The following RBM19 variants were observed in gnomAD, a reference collection of about 807,000 sequenced individuals.
RBM19 encodes the protein probable RNA-binding protein 19.
A neutral mutation model predicts 116.8 loss-of-function variants in RBM19; 94 were observed. That is an observed-to-expected ratio of 0.80 (90% CI 0.68 to 0.95). RBM19 has a LOEUF of 0.95. Among genes scored for constraint, RBM19 ranks in the 40% least tolerant of loss-of-function variants. RBM19 has a pLI of 0.00. For synonymous variants in RBM19, 475 were observed against 494.1 expected, an observed-to-expected ratio of 0.96 and a Z score of 0.51; for missense variants, 1,161 against 1,220.7, an observed-to-expected ratio of 0.95 and a Z score of 0.73.
At chr12:113,958,079 G>T (rs761140105) in intron 5 of RBM19, 29 bp from the exon 6 acceptor site, 1 of 1,588,914 alleles carries the variant, frequency 6.3e-7, no homozygotes, top group South Asian at 1.2e-5. Flanking sequence ...TGGGATCAGC[G>T]ACAGCTATGA....
Position 113,825,734 on chromosome 12 carries a change from G to A in RBM19, c.2786-2413C>T, listed in dbSNP as rs1593447989. ...GAGTTCTAGCCCCATCCATTGTGTC[G>A]GCTCAACCTGTAAGATAGAGCTGGA... On this transcript the variant is annotated intron_variant, in intron 23 of 23. Transcript: ENST00000261741. This position sits in a 1 kb window ranked among gnomAD's most constrained non-coding sequence, Gnocchi z 5.7. 1.3e-5 allele frequency among the ~76,000 whole-genome samples: 2 copies of A among 152,052 alleles called. No individual in the cohort carries two copies. Among genetic ancestry groups the A allele is most frequent in the East Asian group, 1.9e-4 (1 of 5,168 alleles).
At chr12:113,855,957 T>C (rs1877865773) in intron 22 of RBM19, among the ~76,000 whole-genome samples, 1 of 152,120 alleles carries the variant, frequency 6.6e-6, no homozygotes, top group African/African-American at 2.4e-5. Flanking sequence ...GCAGCTTCCC[T>C]AGGAAACAAA....
At chr12:113,945,997 C>A in intron 12 of RBM19, 73 bp from the exon 13 acceptor site, 1 of 1,380,274 alleles carries the variant, frequency 7.2e-7, no homozygotes. Context: ...GACACGAATC[C>A]TGTAAGAAAT....
intron 19 of RBM19, among the ~76,000 whole-genome samples, chr12:113,919,528 G>A (rs1393201225): frequency 6.6e-6 from 1 of 152,172 alleles, no homozygotes; most frequent in Non-Finnish European, 1.5e-5. Flanking sequence ...CCGAGATCGC[G>A]CCACTGCACT....
Position 113,962,509 on chromosome 12 carries a change from A to G in RBM19, c.37-95T>C, listed in dbSNP as rs1247453130. Reference sequence around the variant, plus strand: ...AAACCTGAGGCCACGAGATTCTCCAAGGGTGGCCTTAGATGAAGAGGGGCA... The same window carrying G: ...AAACCTGAGGCCACGAGATTCTCCAGGGGTGGCCTTAGATGAAGAGGGGCA... On this transcript the variant is annotated intron_variant, in intron 1 of 23. Transcript: ENST00000261741. 2.3e-6 allele frequency: 3 copies of G among 1,293,100 alleles called. No homozygotes were observed. In the African/African-American group the frequency reaches 4.4e-5, roughly 19 times the overall value. The allele number at this position is 1,293,100 out of a possible 1,614,324, so 80.1% of individuals were successfully genotyped here.
In RBM19 at chr12:113,873,689, TAAAAAAA is replaced by T. The variant is rs146761765; in HGVS notation, c.2559-14800_2559-14794del. 9.6e-3 allele frequency among the ~76,000 whole-genome samples: 1,227 copies of T among 127,684 alleles called. 25 individuals carry two copies. The highest frequency in any genetic ancestry group is 0.033 in the African/African-American group (1,110 of 33,670). The allele number at this position is 127,684 out of a possible 152,430, so 83.8% of individuals were successfully genotyped here. ...AAGAATTATCAATAAAAAAATAAAT[TAAAAAAA>T]AAAAAAAAAAAGAAAAGGCACTGTG... On this transcript the variant is annotated intron_variant, in intron 21 of 23. Coordinates refer to ENST00000261741, the MANE Select transcript of RBM19 (RefSeq NM_016196.4).
intron 14 of RBM19, among the ~76,000 whole-genome samples, chr12:113,940,904 A>G (rs1308879145): frequency 6.6e-6 from 1 of 152,224 alleles, no homozygotes; most frequent in Non-Finnish European, 1.5e-5. Context: ...CATTTATTTC[A>G]CAGGATCGCT....
chr12:113,924,031 A>G (rs1868831988), intron 18 of RBM19, among the ~76,000 whole-genome samples: 1 of 152,204 alleles, frequency 6.6e-6, no homozygotes. Flanking sequence ...TGCCAAACCA[A>G]AGGGACTCAG....
intron 23 of RBM19, among the ~76,000 whole-genome samples, chr12:113,824,904 C>T (rs1874727612): frequency 6.6e-6 from 1 of 152,148 alleles, no homozygotes; most frequent in Non-Finnish European, 1.5e-5. Flanking sequence ...TCAGATCCAC[C>T]ACTCCCTAAG....
In RBM19 at chr12:113,844,848, C is replaced by G. The variant is rs575016704; in HGVS notation, c.2665-60G>C. On this transcript the variant is annotated intron_variant, in intron 22 of 23. Transcript: ENST00000261741. ...CTGGATCAGTGCGGCAGACACTCCACTCTGCCTGCCAGCTGCCTGCCTGCG... is the reference window on the plus strand; with the variant it reads ...CTGGATCAGTGCGGCAGACACTCCAGTCTGCCTGCCAGCTGCCTGCCTGCG... 2.7e-6 allele frequency: 4 copies of G among 1,503,960 alleles called. No homozygotes were observed. In the South Asian group the frequency reaches 5.3e-5, roughly 20 times the overall value. The allele number at this position is 1,503,960 out of a possible 1,614,324, so 93.2% of individuals were successfully genotyped here.
chr12:113,837,694 G>A (rs896018536), intron 23 of RBM19, among the ~76,000 whole-genome samples: 2 of 152,248 alleles, frequency 1.3e-5, no homozygotes, highest in African/African-American at 4.8e-5. Context: ...GGTACAGCAG[G>A]ATGGTGGAAA....
At chr12:113,890,255 G>A (rs1312836167) in intron 21 of RBM19, among the ~76,000 whole-genome samples, 2 of 152,248 alleles carry the variant, frequency 1.3e-5, no homozygotes, top group African/African-American at 4.8e-5. Flanking sequence ...AGCTGAGCCA[G>A]GCTGGCTCTG....
intron 21 of RBM19, among the ~76,000 whole-genome samples, chr12:113,889,950 CACCCTCCTTCT>C (rs1479534452): frequency 6.6e-6 from 1 of 152,044 alleles, no homozygotes; most frequent in Non-Finnish European, 1.5e-5. Flanking sequence ...CTCAGATCCG[CACCCTCCTTCT>C]CCAGCTCCCC....
chr12:113,961,195 T>TA (rs1249278180), intron 2 of RBM19, among the ~76,000 whole-genome samples: 1 of 152,160 alleles, frequency 6.6e-6, no homozygotes, highest in Non-Finnish European at 1.5e-5. Flanking sequence ...GCTAATTTTT[T>TA]TTTTTATTTT....
At chr12:113,912,942 A>ATTGTT (rs1882538335) in intron 21 of RBM19, among the ~76,000 whole-genome samples, 1 of 152,170 alleles carries the variant, frequency 6.6e-6, no homozygotes, top group Admixed American at 6.5e-5. Context: ...AGTGAACAAC[A>ATTGTT]ATAGCAGGTA....
rs1882644334 is a variant in RBM19, at chr12:113,914,436, G to T, written c.2558+533C>A. 2.0e-5 allele frequency among the ~76,000 whole-genome samples: 3 copies of T among 152,362 alleles called. No homozygotes were observed. In the South Asian group the frequency reaches 6.2e-4, roughly 32 times the overall value. On this transcript the variant is annotated intron_variant, in intron 21 of 23. Transcript: ENST00000261741. ...TTTAGGCCACTGGTCCCCAACCCCG[G>T]CTGGACATTAGGATCCCCTGGGGAG...
chr12:113,964,939 GA>G (rs201302500), intron 1 of RBM19, among the ~76,000 whole-genome samples: 6,445 of 137,002 alleles, frequency 0.047, 332 homozygotes, highest in Admixed American at 0.17. Context: ...CCTGACAAAT[GA>G]AAAAAAAAAA....
intron 5 of RBM19, among the ~76,000 whole-genome samples, chr12:113,958,662 C>G (rs768018163): frequency 3.3e-5 from 5 of 152,122 alleles, no homozygotes; most frequent in Non-Finnish European, 5.9e-5. Flanking sequence ...ATCTTCTCAC[C>G]TTTAGACCCA....
intron 23 of RBM19, among the ~76,000 whole-genome samples, chr12:113,841,765 T>C (rs1004245406): frequency 2.0e-5 from 3 of 152,118 alleles, no homozygotes; most frequent in Non-Finnish European, 2.9e-5. Context: ...TATAACATAG[T>C]TGGGGCCAGT....
Sources: gnomAD v4.1 joint callset for allele counts (sites outside exome capture counted in the v4.1 genomes callset) on GRCh38, gnomAD v4.1.1 for gene constraint, Gnocchi (gnomAD v3.1) non-coding constraint, MANE v1.5 for transcripts, NCBI Gene and HGNC (gene_info 2026-07-23, HGNC 2026-07-21) for gene names.